Variants in SLC38A12 observed in about 807,000 individuals in gnomAD.
SLC38A12 encodes the protein solute carrier family 38 member 12.
the SLC38A12 span, among the ~76,000 whole-genome samples, chr17:74,807,658 G>A: frequency 2.6e-5 from 4 of 152,240 alleles, no homozygotes; most frequent in Admixed American, 2.0e-4. Context: ...GTAGAAGGGA[G>A]CAGCTGGAAT....
At chr17:74,809,210 G>A in the SLC38A12 span, among the ~76,000 whole-genome samples, 2 of 152,180 alleles carry the variant, frequency 1.3e-5, no homozygotes, top group East Asian at 1.9e-4. Context: ...TCTTGGCTCT[G>A]TTTCCACTTG....
the SLC38A12 span, among the ~76,000 whole-genome samples, chr17:74,803,265 G>A: frequency 6.6e-5 from 10 of 152,144 alleles, no homozygotes; most frequent in African/African-American, 2.4e-4. Flanking sequence ...ATAGGCAAAG[G>A]TGCAGAACCC....
At chr17:74,805,278 C>G in the SLC38A12 span, among the ~76,000 whole-genome samples, 2 of 152,212 alleles carry the variant, frequency 1.3e-5, no homozygotes, top group Non-Finnish European at 2.9e-5. The surrounding 1 kb of genome is among the most constrained non-coding windows in gnomAD (Gnocchi z 5.0). Context: ...GCTGGGCAAC[C>G]TACAGGTGCT....
At chr17:74,822,925 G>C in the SLC38A12 span, among the ~76,000 whole-genome samples, 4,037 of 152,322 alleles carry the variant, frequency 0.027, 63 homozygotes, top group Middle Eastern at 0.044. Flanking sequence ...GCCCCTTTTG[G>C]GGGAGGGACC....
the SLC38A12 span, among the ~76,000 whole-genome samples, chr17:74,789,297 A>G: frequency 2.0e-5 from 3 of 152,164 alleles, no homozygotes; most frequent in Non-Finnish European, 4.4e-5. Context: ...TGGGAGGCCA[A>G]GGCGGGCAGA....
At chr17:74,781,815 G>A in the SLC38A12 span, among the ~76,000 whole-genome samples, 2 of 152,164 alleles carry the variant, frequency 1.3e-5, no homozygotes, top group African/African-American at 4.8e-5. Flanking sequence ...ATCCAAAAGG[G>A]CTCTTCGCAG....
the SLC38A12 span, among the ~76,000 whole-genome samples, chr17:74,832,834 G>A: frequency 3.3e-4 from 51 of 152,344 alleles, no homozygotes; most frequent in East Asian, 8.7e-3. Flanking sequence ...CTTCTGACTC[G>A]TAGGCGGCAG....
At chr17:74,800,374 T>C in the SLC38A12 span, among the ~76,000 whole-genome samples, 1 of 152,256 alleles carries the variant, frequency 6.6e-6, no homozygotes, top group African/African-American at 2.4e-5. Flanking sequence ...CACTCCTAGA[T>C]AGCAAGGCCA....
At chr17:74,799,166 A>C in the SLC38A12 span, among the ~76,000 whole-genome samples, 3 of 152,216 alleles carry the variant, frequency 2.0e-5, no homozygotes, top group Non-Finnish European at 4.4e-5. Context: ...GCAGTGTCAG[A>C]GGGGACAGTG....
At chr17:74,809,148 G>A in the SLC38A12 span, among the ~76,000 whole-genome samples, 2 of 152,184 alleles carry the variant, frequency 1.3e-5, no homozygotes, top group Non-Finnish European at 2.9e-5. Flanking sequence ...ATTTACGTAG[G>A]GGTACGGGGT....
At chr17:74,829,647 G>A in the SLC38A12 span, among the ~76,000 whole-genome samples, 9 of 152,314 alleles carry the variant, frequency 5.9e-5, no homozygotes, top group South Asian at 1.0e-3. The surrounding 1 kb of genome is among the most constrained non-coding windows in gnomAD (Gnocchi z 4.1). Flanking sequence ...AAACAGGAAA[G>A]CCACCAAGAC....
the SLC38A12 span, among the ~76,000 whole-genome samples, chr17:74,816,430 A>G: frequency 6.6e-6 from 1 of 152,216 alleles, no homozygotes; most frequent in Non-Finnish European, 1.5e-5. Context: ...GTTGAGCTGT[A>G]GACTGCAGAA....
the SLC38A12 span, among the ~76,000 whole-genome samples, chr17:74,789,905 G>C: frequency 6.7e-6 from 1 of 148,370 alleles, no homozygotes; most frequent in Non-Finnish European, 1.5e-5. Context: ...CTTTTCTGTA[G>C]AGTTCCATGC....
the SLC38A12 span, among the ~76,000 whole-genome samples, chr17:74,806,363 A>G: frequency 1.3e-5 from 2 of 152,182 alleles, no homozygotes; most frequent in African/African-American, 2.4e-5. Flanking sequence ...CAGCCTCTCC[A>G]GGCACAGCCG....
chr17:74,811,702 C>T, the SLC38A12 span, among the ~76,000 whole-genome samples: 2 of 151,762 alleles, frequency 1.3e-5, no homozygotes, highest in African/African-American at 2.4e-5. Flanking sequence ...GCCTGGGCAG[C>T]AGAGTGAGAC....
the SLC38A12 span, among the ~76,000 whole-genome samples, chr17:74,814,939 C>G: frequency 1.2e-3 from 181 of 152,298 alleles, 1 homozygote; most frequent in African/African-American, 4.1e-3. Context: ...GTAATTCAGT[C>G]AAGAGCCCCC....
the SLC38A12 span, among the ~76,000 whole-genome samples, chr17:74,825,834 GC>G: frequency 5.3e-5 from 8 of 152,200 alleles, no homozygotes; most frequent in African/African-American, 1.9e-4. Flanking sequence ...TCTTAACCTT[GC>G]AGCAAGTCAG....
chr17:74,777,183 G>A, the SLC38A12 span: 4 of 824,562 alleles, frequency 4.9e-6, no homozygotes, highest in Non-Finnish European at 8.2e-6. Flanking sequence ...AAGAACCAGA[G>A]GTGGCAGGGG....
chr17:74,795,102 A>G, the SLC38A12 span: 2 of 1,614,060 alleles, frequency 1.2e-6, no homozygotes, highest in South Asian at 1.1e-5. Flanking sequence ...TCCCTCATGC[A>G]GGTGACCTGG....
Sources: gnomAD v4.1 joint callset for allele counts (sites outside exome capture counted in the v4.1 genomes callset) on GRCh38, gnomAD v4.1.1 for gene constraint, Gnocchi (gnomAD v3.1) non-coding constraint, MANE v1.5 for transcripts, NCBI Gene and HGNC (gene_info 2026-07-23, HGNC 2026-07-21) for gene names.